DLEC1: variants seen among roughly 807,000 people sequenced by gnomAD.
DLEC1 encodes DLEC1 cilia and flagella associated protein.
DLEC1 carries 146 observed loss-of-function variants against 198.1 expected under a neutral mutation model. The ratio of observed to expected loss-of-function variants is 0.74; its 90% confidence interval spans 0.64 to 0.85. DLEC1 has a LOEUF of 0.85. Ranked by LOEUF, DLEC1 falls within the 40% of genes least tolerant of loss-of-function variation. The pLI is 0.00. For synonymous variants in DLEC1, 897 were observed against 866.8 expected (o/e 1.03, Z -0.61); for missense variants, 2,233 against 2,220.0 (o/e 1.01, Z -0.12).
chr3:38,123,986 G>A lies in DLEC1; in HGVS notation c.*1574G>A, dbSNP rs574061661. 1 of 151,172 alleles carries A rather than the reference G, an allele frequency of 6.6e-6. No individual in the cohort carries two copies. The highest frequency in any genetic ancestry group is 1.9e-4 in the East Asian group (1 of 5,164). The allele number at this position is 151,172 out of a possible 1,614,324, so 9.4% of individuals were successfully genotyped here. On this transcript the variant is annotated 3_prime_UTR_variant, in exon 37 of 37. Coordinates refer to ENST00000308059, the MANE Select transcript of DLEC1 (RefSeq NM_007335.4). ...CACACCACTGCACTCCAGCCAGCCT[G>A]GACAACGGAGTGAGATTCCATGTCA...
chr3:38,097,145 G>T, intron 15 of DLEC1, 37 bp from the exon 16 acceptor site: 1 of 1,514,706 alleles, frequency 6.6e-7, no homozygotes, highest in Non-Finnish European at 9.0e-7. Flanking sequence ...ACATGAAGGG[G>T]CAGTAAATGG....
chr3:38,052,150 G>A (rs1037840466), intron 2 of DLEC1: 6 of 390,888 alleles, frequency 1.5e-5, no homozygotes, highest in Non-Finnish European at 3.1e-5. Flanking sequence ...GTTTTTTGAA[G>A]AGCCTCAAGA....
chr3:38,094,074 G>A (rs1698884993), intron 12 of DLEC1, among the ~76,000 whole-genome samples: 1 of 152,152 alleles, frequency 6.6e-6, no homozygotes, highest in African/African-American at 2.4e-5. Flanking sequence ...ATCCCTTCAG[G>A]AAGTTATGTT....
chr3:38,083,422 A>G (rs1016885875), intron 6 of DLEC1, among the ~76,000 whole-genome samples: 5 of 152,226 alleles, frequency 3.3e-5, no homozygotes, highest in Non-Finnish European at 7.3e-5. Context: ...AGGATTGGCC[A>G]GGAAAAGGAC....
At chr3:38,120,009 G>A (rs571600234) in intron 33 of DLEC1, among the ~76,000 whole-genome samples, 1 of 152,160 alleles carries the variant, frequency 6.6e-6, no homozygotes, top group African/African-American at 2.4e-5. Flanking sequence ...GCTTCATCCT[G>A]TCCAGCCTCA....
At chr3:38,121,580 T>C in intron 34 of DLEC1, 48 bp from the exon 35 acceptor site, 1 of 1,585,466 alleles carries the variant, frequency 6.3e-7, no homozygotes, top group Non-Finnish European at 8.6e-7. Flanking sequence ...CCAGAGGCCC[T>C]GGCTCAGAGC....
At chr3:38,073,167 C>T (rs938514283) in intron 6 of DLEC1, among the ~76,000 whole-genome samples, 7 of 152,146 alleles carry the variant, frequency 4.6e-5, no homozygotes, top group African/African-American at 9.7e-5. Flanking sequence ...GAGAACAGAA[C>T]ACTGAGTTGT....
Position 38,101,365 on chromosome 3 carries a change from G to C in DLEC1, c.2864+940G>C, listed in dbSNP as rs600823. On this transcript the variant is annotated intron_variant, in intron 19 of 36. Transcript: ENST00000308059. ...AGCTACTTAGGAGGCTGAGGCAGAA[G>C]AATCACTTGAATCCTGGAGGCAGAG... is the stretch of plus-strand genomic sequence containing the variant. Among the ~76,000 whole-genome samples, 4 of 152,238 alleles carry C rather than the reference G, an allele frequency of 2.6e-5. No individual in the cohort carries two copies. In the South Asian group the frequency reaches 8.3e-4, roughly 32 times the overall value.
At chr3:38,106,256 G>T (rs1699562712) in intron 19 of DLEC1, among the ~76,000 whole-genome samples, 1 of 152,150 alleles carries the variant, frequency 6.6e-6, no homozygotes, top group Non-Finnish European at 1.5e-5. Flanking sequence ...GGTTATATCA[G>T]TCAAGGCTTA....
intron 19 of DLEC1, among the ~76,000 whole-genome samples, 195 bp from the exon 20 acceptor site, chr3:38,107,389 T>C (rs1242850414): frequency 1.3e-5 from 2 of 152,242 alleles, no homozygotes; most frequent in Non-Finnish European, 2.9e-5. Context: ...TTGTTGTTAG[T>C]ATATAAAAAT....
intron 2 of DLEC1, among the ~76,000 whole-genome samples, chr3:38,046,191 G>C (rs1700877903): frequency 6.6e-6 from 1 of 152,196 alleles, no homozygotes; most frequent in Non-Finnish European, 1.5e-5. Flanking sequence ...GATTAAACAG[G>C]CGGTTGCTGG....
In DLEC1 at chr3:38,097,806, A is replaced by G; in HGVS notation, c.2628A>G (p.Lys876=). The part of the protein sequence containing the change: ...LQFGLLRLGQ[K]ATNSIQIRNV... ...TTGGTCTGCTCCGCCTGGGGCAGAA[A>G]GCCACAAACTCCATCCAGATCCGGA... Residue 876 remains lysine, a synonymous_variant, in exon 18 of 37, where the codon AAA becomes AAG. Coordinates refer to ENST00000308059, the MANE Select transcript of DLEC1 (RefSeq NM_007335.4). 1 of 1,614,184 alleles carries G rather than the reference A, an allele frequency of 6.2e-7. No homozygotes were observed. The highest frequency in any genetic ancestry group is 8.5e-7 in the Non-Finnish European group (1 of 1,180,036).
chr3:38,042,293 C>T (rs558030822), intron 1 of DLEC1, among the ~76,000 whole-genome samples: 103 of 151,924 alleles, frequency 6.8e-4, no homozygotes, highest in African/African-American at 2.3e-3. Flanking sequence ...GCGCCTGGCC[C>T]GCCATTTATT....
intron 22 of DLEC1, chr3:38,109,835 G>C: frequency 1.4e-6 from 1 of 695,712 alleles, no homozygotes; most frequent in Non-Finnish European, 2.3e-6. Flanking sequence ...AGGTACCCTG[G>C]GCTTGCCCAC....
intron 10 of DLEC1, among the ~76,000 whole-genome samples, chr3:38,088,605 A>G (rs1419321398): frequency 6.6e-6 from 1 of 152,158 alleles, no homozygotes; most frequent in African/African-American, 2.4e-5. Context: ...CTAGCATCAC[A>G]TCACAAACCT....
At chr3:38,084,365 AGTAGTAGTGATGGTG>A (rs1698250713) in intron 7 of DLEC1, 120 bp downstream of exon 7, 1 of 780,896 alleles carries the variant, frequency 1.3e-6, no homozygotes, top group African/African-American at 2.3e-5. Context: ...TGGTGGTAGT[AGTAGTAGTGATGGTG>A]GTAGTAGTGG....
At chr3:38,062,531 G>A in intron 4 of DLEC1, 50 bp from the exon 5 acceptor site, 2 of 1,606,418 alleles carry the variant, frequency 1.2e-6, no homozygotes, top group Non-Finnish European at 1.7e-6. Context: ...ATGTCAACAA[G>A]CACAATCCCT....
In DLEC1 at chr3:38,046,281, C is replaced by T. The variant is rs141973720; in HGVS notation, c.562+588C>T. ...TTTGTGGCGTGATATGGTTTGTCTG[C>T]ATCCCCACCCAAATCTCACCTTGAA... On this transcript the variant is annotated intron_variant, in intron 2 of 36. Transcript: ENST00000308059. Among the ~76,000 whole-genome samples the T allele has an allele frequency of 1.8e-4, 28 of 152,262 alleles. No homozygotes were observed. The East Asian group carries it at 4.1e-3, about 22-fold the overall frequency.
Position 38,074,484 on chromosome 3 carries a change from G to T in DLEC1, c.1174-9674G>T, listed in dbSNP as rs181299020. Among the ~76,000 whole-genome samples the T allele has an allele frequency of 3.8e-3, 585 of 152,358 alleles. 4 individuals carry two copies. The highest frequency in any genetic ancestry group is 5.9e-3 in the Non-Finnish European group (399 of 68,030). ...TTGCTGCTTAAGCGGGCCATGAACTGGGCTGGGTTTTCGTCTTTACCTTGG... is the reference window on the plus strand; with the variant it reads ...TTGCTGCTTAAGCGGGCCATGAACTTGGCTGGGTTTTCGTCTTTACCTTGG... On this transcript the variant is annotated intron_variant, in intron 6 of 36. Coordinates refer to ENST00000308059, the MANE Select transcript of DLEC1 (RefSeq NM_007335.4).
Sources: gnomAD v4.1 joint callset for allele counts (sites outside exome capture counted in the v4.1 genomes callset) on GRCh38, gnomAD v4.1.1 for gene constraint, MANE v1.5 for transcripts, NCBI Gene and HGNC (gene_info 2026-07-23, HGNC 2026-07-21) for gene names.